The following GON4L variants were observed in gnomAD, a reference collection of about 807,000 sequenced individuals.
GON4L encodes the protein GON-4-like protein.
A neutral mutation model predicts 211.8 loss-of-function variants in GON4L; 87 were observed. The observed-to-expected ratio is 0.41, with a 90% CI of 0.35 to 0.49. GON4L has a LOEUF of 0.49. Ranked by LOEUF, GON4L falls within the 20% of genes least tolerant of loss-of-function variation. The pLI, the probability that GON4L is intolerant of heterozygous loss-of-function variation, is 0.15. For synonymous variants in GON4L, 875 were observed against 962.6 expected, an observed-to-expected ratio of 0.91 and a Z score of 1.68; for missense variants, 2,155 against 2,659.5, an observed-to-expected ratio of 0.81 and a Z score of 4.17.
Position 155,820,664 on chromosome 1 carries a change from G to A in GON4L, c.964-8C>T. 6.3e-7 allele frequency: 1 copy of A among 1,591,812 alleles called. No homozygotes were observed. Among genetic ancestry groups the A allele is most frequent in the Non-Finnish European group, 8.6e-7 (1 of 1,160,116 alleles). On this transcript the variant is annotated splice_region_variant and splice_polypyrimidine_tract_variant and intron_variant, in intron 5 of 31. Transcript: ENST00000368331. ...GCGTGTCATTTTAGGCTCCTAAGGA[G>A]AAAAAAACAGAAAGGAAATCCTCAA...
At chr1:155,821,771 C>T (rs969377327) in intron 4 of GON4L, among the ~76,000 whole-genome samples, 12 of 152,202 alleles carry the variant, frequency 7.9e-5, no homozygotes, top group Non-Finnish European at 1.5e-4. Flanking sequence ...ATGAACCAAT[C>T]TCATTAGCTG....
chr1:155,753,874 A>AT (rs1203636372), intron 28 of GON4L: 3,019 of 188,514 alleles, frequency 0.016, 1 homozygote, highest in South Asian at 0.039. Context: ...CAAGGATTTG[A>AT]TTTTTTTTTT....
intron 15 of GON4L, 53 bp downstream of exon 15, chr1:155,777,569 A>C: frequency 1.1e-5 from 14 of 1,222,262 alleles, no homozygotes; most frequent in Non-Finnish European, 1.6e-5. Context: ...ACAGAGCCAG[A>C]CTCTGTCTCA....
At chr1:155,755,517 C>T (rs1661088309) in intron 27 of GON4L, among the ~76,000 whole-genome samples, 1 of 152,102 alleles carries the variant, frequency 6.6e-6, no homozygotes, top group African/African-American at 2.4e-5. Flanking sequence ...GGACCCCATC[C>T]TCTTTTATGT....
At chr1:155,753,028 AG>A (rs1660776730) in intron 29 of GON4L, among the ~76,000 whole-genome samples, 175 bp downstream of exon 29, 1 of 152,288 alleles carries the variant, frequency 6.6e-6, no homozygotes, top group Admixed American at 6.5e-5. Flanking sequence ...AAGAGGAGTG[AG>A]GCCATATGAT....
chr1:155,844,363 G>T (rs924411270), intron 2 of GON4L, among the ~76,000 whole-genome samples: 1 of 152,084 alleles, frequency 6.6e-6, no homozygotes, highest in Admixed American at 6.6e-5. Flanking sequence ...AACAACTCTG[G>T]ACAGGCTGAG....
chr1:155,813,841 A>C, intron 9 of GON4L, 37 bp from the exon 10 acceptor site: 1 of 1,583,270 alleles, frequency 6.3e-7, no homozygotes, highest in Non-Finnish European at 8.7e-7. Context: ...AAAAGGAAGG[A>C]GGTAAGAAAG....
chr1:155,783,014 G>T (rs1031894879), intron 14 of GON4L, among the ~76,000 whole-genome samples: 1 of 152,036 alleles, frequency 6.6e-6, no homozygotes, highest in African/African-American at 2.4e-5. Flanking sequence ...ACCAAAACAC[G>T]TTTATAGATC....
Position 155,826,953 on chromosome 1 carries a change from T to A in GON4L, c.581A>T (p.Gln194Leu). 1 of 1,614,070 alleles carries A rather than the reference T, an allele frequency of 6.2e-7. No individual in the cohort carries two copies. The highest frequency in any genetic ancestry group is 8.5e-7 in the Non-Finnish European group (1 of 1,179,894). Reference sequence around the variant, plus strand: ...ATCTGGCTGGGTTGATTTCCTGGGCTGGCTTACTGGTTTTGCAGATTGGCT... The same window carrying A: ...ATCTGGCTGGGTTGATTTCCTGGGCAGGCTTACTGGTTTTGCAGATTGGCT... ...SGSQSAKPVS[Q>L]PRKSTQPDVC... The change falls in exon 3 of 32, where the codon CAG becomes CTG. Residue 194 changes from glutamine to leucine, a missense_variant. Gln to Leu is a moderately radical substitution (Grantham distance 113). Transcript: ENST00000368331.
At chr1:155,796,935 C>T (rs1181374082) in intron 11 of GON4L, among the ~76,000 whole-genome samples, 2 of 151,996 alleles carry the variant, frequency 1.3e-5, no homozygotes, top group Admixed American at 6.6e-5. Context: ...ATATGTTATA[C>T]TGCTAAGTGA....
At chr1:155,770,628 C>T (rs1663097157) in intron 19 of GON4L, among the ~76,000 whole-genome samples, 1 of 152,208 alleles carries the variant, frequency 6.6e-6, no homozygotes, top group Non-Finnish European at 1.5e-5. Flanking sequence ...GCGGGTGGAT[C>T]ACTTGAGGTC....
chr1:155,831,073 C>T (rs902412117), intron 2 of GON4L, among the ~76,000 whole-genome samples: 1 of 151,910 alleles, frequency 6.6e-6, no homozygotes, highest in Non-Finnish European at 1.5e-5. Flanking sequence ...CTGAGGTGGA[C>T]AGGTCACTTG....
rs746127912 is a variant in GON4L, at chr1:155,782,683, ATT to A, written c.1892+1301_1892+1302del. On this transcript the variant is annotated intron_variant, in intron 14 of 31. Transcript: ENST00000368331. Reference sequence around the variant, plus strand: ...AATTTTATTTATTTTATTTTATTTTATTTTTTTGAGACAGAGTCTCTCTCTGT... The same window carrying A: ...AATTTTATTTATTTTATTTTATTTTATTTTTGAGACAGAGTCTCTCTCTGT... Among the ~76,000 whole-genome samples the A allele has an allele frequency of 1.1e-4, 17 of 149,876 alleles. No individual in the cohort carries two copies. In the East Asian group the frequency reaches 1.5e-3, roughly 14 times the overall value.
chr1:155,753,120 T>G, intron 29 of GON4L, 84 bp downstream of exon 29: 1 of 1,038,774 alleles, frequency 9.6e-7, no homozygotes, highest in Non-Finnish European at 1.5e-6. Flanking sequence ...AAAAGGCTAT[T>G]TATCCAGGCT....
intron 10 of GON4L, among the ~76,000 whole-genome samples, chr1:155,809,797 T>A (rs1468250892): frequency 4.9e-5 from 2 of 41,198 alleles, no homozygotes; most frequent in Non-Finnish European, 1.0e-4. Flanking sequence ...TACTTATATA[T>A]AATTATAAAT....
Position 155,805,147 on chromosome 1 carries a change from C to G in GON4L, c.1453-6G>C. 6.2e-7 allele frequency: 1 copy of G among 1,607,230 alleles called. No homozygotes were observed. The highest frequency in any genetic ancestry group is 8.5e-7 in the Non-Finnish European group (1 of 1,173,782). The stretch of plus-strand genomic sequence containing the variant: ...ATGAGACTGTCATCCATGGGCTGGA[C>G]AATGGAGAAAGAAAAGTCACTGAGT... On this transcript the variant is annotated splice_polypyrimidine_tract_variant and splice_region_variant and intron_variant, in intron 10 of 31. Transcript: ENST00000368331.
At chr1:155,844,349 T>C (rs1671038095) in intron 2 of GON4L, among the ~76,000 whole-genome samples, 1 of 152,184 alleles carries the variant, frequency 6.6e-6, no homozygotes, top group African/African-American at 2.4e-5. Flanking sequence ...ACTGCACATA[T>C]ATTAACAACT....
Position 155,750,636 on chromosome 1 carries a change from T to A in GON4L, c.6674A>T (p.Asp2225Val). The A allele has an allele frequency of 6.3e-7, 1 of 1,579,280 alleles. No homozygotes were observed. Among genetic ancestry groups the A allele is most frequent in the Non-Finnish European group, 8.7e-7 (1 of 1,153,760 alleles). The stretch of plus-strand genomic sequence containing the variant: ...AAGGTCCCCATGGTCAGACAGCTGG[T>A]CTGCATTGCTGGTACTGGTTGCATC... ...EDDATSTSNA[D>V]QLSDHGDLLS... The change falls in exon 32 of 32, where the codon GAC becomes GTC. Residue 2225 changes from aspartate to valine, a missense_variant. This residue lies in a region of GON4L where 186 missense variants were observed against 308.1 expected (regional missense o/e 0.60). Coordinates refer to ENST00000368331, the MANE Select transcript of GON4L (RefSeq NM_001282860.2).
At chr1:155,849,330 G>A (rs1012606520) in intron 2 of GON4L, among the ~76,000 whole-genome samples, 1 of 151,878 alleles carries the variant, frequency 6.6e-6, no homozygotes, top group African/African-American at 2.4e-5. Context: ...AGATCACGAC[G>A]TTAGGAGATC....
Sources: gnomAD v4.1 joint callset for allele counts (sites outside exome capture counted in the v4.1 genomes callset) on GRCh38, gnomAD v4.1.1 for gene constraint, gnomAD v4.1.1 regional missense constraint, MANE v1.5 for transcripts, NCBI Gene and HGNC (gene_info 2026-07-23, HGNC 2026-07-21) for gene names.